The following ADAR variants were observed in gnomAD, a reference collection of about 807,000 sequenced individuals.
The protein encoded by ADAR is double-stranded RNA-specific adenosine deaminase.
Under a neutral mutation model 113.2 loss-of-function variants are expected in ADAR, and 41 were observed. The observed-to-expected ratio is 0.36, with a 90% confidence interval of 0.28 to 0.47. The LOEUF is 0.47. ADAR is among the 20% of genes least tolerant of loss of function. The probability of loss-of-function intolerance (pLI) is 1.00; values close to 1 mark genes in which losing one functional copy is unlikely to be tolerated. For synonymous variants in ADAR, 605 were observed against 572.6 expected, an observed-to-expected ratio of 1.06 and a Z score of -0.81; for missense variants, 1,242 against 1,540.9, an observed-to-expected ratio of 0.81 and a Z score of 3.25.
intron 6 of ADAR, 39 bp downstream of exon 6, chr1:154,596,766 A>G: frequency 1.2e-6 from 2 of 1,610,102 alleles, no homozygotes; most frequent in South Asian, 1.1e-5. Flanking sequence ...ACCATCCCCA[A>G]CTGGTGACAC....
At position 154,601,833 on chromosome 1, in the gene ADAR, G is replaced by A. The variant is rs768455989; in HGVS notation, c.809C>T (p.Pro270Leu). 5.6e-6 allele frequency: 9 copies of A among 1,614,254 alleles called. No homozygotes were observed. Among genetic ancestry groups the A allele is most frequent in the Non-Finnish European group, 6.8e-6 (8 of 1,180,046 alleles). Residue 270 changes from proline to leucine, a missense_variant, in exon 2 of 15, where the codon CCA becomes CTA. By Grantham distance (98) the Pro-to-Leu change is moderately conservative. Around this residue, in one of 2 missense-constraint regions of ADAR, gnomAD observed 462 missense variants for 483.1 expected, o/e 0.96. Coordinates refer to ENST00000368474, the MANE Select transcript of ADAR (RefSeq NM_001111.5). The surrounding 1 kb of genome is among the most constrained non-coding windows in gnomAD (Gnocchi z 4.7). ...VRPDSHSQGSPNSDPGLEPED... is the reference protein window; with the variant it reads ...VRPDSHSQGSLNSDPGLEPED... ...AGGTTCCAAACCTGGGTCTGAGTTT[G>A]GGGATCCTTGGCTATGACTGTCTGG...
intron 12 of ADAR, 77 bp from the exon 13 acceptor site, chr1:154,585,942 T>G (rs1340904091): frequency 1.5e-6 from 2 of 1,371,834 alleles, no homozygotes; most frequent in Non-Finnish European, 2.1e-6. Context: ...TGTGGGGATT[T>G]TGGAGGTACA....
At chr1:154,594,006 C>T (rs549391123) in intron 6 of ADAR, among the ~76,000 whole-genome samples, 4 of 152,048 alleles carry the variant, frequency 2.6e-5, no homozygotes, top group Non-Finnish European at 4.4e-5. Context: ...GCTCAGCCTC[C>T]GGAGTAGCTG....
At chr1:154,588,855 T>C (rs1401980486) in intron 9 of ADAR, among the ~76,000 whole-genome samples, 182 bp from the exon 10 acceptor site, 2 of 152,222 alleles carry the variant, frequency 1.3e-5, no homozygotes, top group African/African-American at 4.8e-5. Context: ...GTTAGCCTTT[T>C]GGGTCTCCTT....
Position 154,598,585 on chromosome 1 carries a change from T to C in ADAR, c.1602A>G (p.Arg534=). The change falls in exon 3 of 15, where the codon CGA becomes CGG. Residue 534 remains arginine (R), a splice_region_variant and synonymous_variant. Transcript: ENST00000368474. ...IEQSGPPHEP[R]FKFQVVINGR... Reference sequence around the variant, plus strand: ...CATTGATGACAACCTGGAATTTAAATCTTGACGGAAAGTGATTAGATGTGT... The same window carrying C: ...CATTGATGACAACCTGGAATTTAAACCTTGACGGAAAGTGATTAGATGTGT... 6.2e-7 allele frequency: 1 copy of C among 1,614,162 alleles called. No homozygotes were observed. The highest frequency in any genetic ancestry group is 1.1e-5 in the South Asian group (1 of 91,080).
chr1:154,613,114 A>G (rs751275082), upstream of ADAR, among the ~76,000 whole-genome samples: 5 of 151,820 alleles, frequency 3.3e-5, no homozygotes, highest in Non-Finnish European at 5.9e-5. Flanking sequence ...CTAGTCCCTC[A>G]ACATTAATTT....
rs781379281 is a variant in ADAR, at chr1:154,584,800, A to G, written c.*6T>C. The stretch of plus-strand genomic sequence containing the variant: ...CACACCCTAATCCATCTGTCACTGG[A>G]GCATACTATACTGGGCAGAGATAAA... On this transcript the variant is annotated 3_prime_UTR_variant, in exon 15 of 15. Coordinates refer to ENST00000368474, the MANE Select transcript of ADAR (RefSeq NM_001111.5). The G allele has an allele frequency of 1.2e-6, 2 of 1,607,948 alleles. No individual in the cohort carries two copies. Among genetic ancestry groups the G allele is most frequent in the Non-Finnish European group, 8.5e-7 (1 of 1,174,824 alleles).
chr1:154,624,405 A>G (rs57517342), intron 1 of ADAR, among the ~76,000 whole-genome samples: 3,135 of 152,248 alleles, frequency 0.021, 115 homozygotes, highest in African/African-American at 0.073. Flanking sequence ...AGGGTATAGA[A>G]GCAGCAACTA....
At chr1:154,590,138 A>AGGGGGGGGGGGGGGGGGGGGGGGGG in intron 7 of ADAR, 46 bp downstream of exon 7, 10 of 1,173,762 alleles carry the variant, frequency 8.5e-6, no homozygotes, top group East Asian at 2.5e-5. Flanking sequence ...AGGAGTTAGG[A>AGGGGGGGGGGGGGGGGGGGGGGGGG]GGACCCCCCC....
intron 2 of ADAR, among the ~76,000 whole-genome samples, chr1:154,599,290 T>C (rs549600114): frequency 6.6e-6 from 1 of 152,350 alleles, no homozygotes; most frequent in South Asian, 2.1e-4. Context: ...GGGATTTCAT[T>C]TAGAAAAGTA....
chr1:154,592,396 G>A (rs1697208788), intron 6 of ADAR, among the ~76,000 whole-genome samples: 1 of 152,110 alleles, frequency 6.6e-6, no homozygotes, highest in East Asian at 1.9e-4. Flanking sequence ...ATTGGTTAAT[G>A]TTTGGTTCCT....
At chr1:154,618,321 C>T (rs1698690277) in intron 1 of ADAR, among the ~76,000 whole-genome samples, 1 of 151,992 alleles carries the variant, frequency 6.6e-6, no homozygotes, top group South Asian at 2.1e-4. Context: ...ATACCAGTCT[C>T]AAATGTGATG....
At chr1:154,589,337 G>C (rs1423365446) in intron 9 of ADAR, 32 bp downstream of exon 9, 1 of 1,581,030 alleles carries the variant, frequency 6.3e-7, no homozygotes, top group Admixed American at 1.7e-5. Flanking sequence ...TCCACAGCCG[G>C]GCAGCCGGGC....
chr1:154,607,072 T>C (rs1361574098), intron 1 of ADAR, among the ~76,000 whole-genome samples: 2 of 152,150 alleles, frequency 1.3e-5, no homozygotes, highest in East Asian at 3.8e-4. Flanking sequence ...ACATTTCTAT[T>C]TCCCTAAAAA....
At chr1:154,626,309 T>G (rs534243079) in intron 1 of ADAR, among the ~76,000 whole-genome samples, 1 of 152,022 alleles carries the variant, frequency 6.6e-6, no homozygotes, top group South Asian at 2.1e-4. Context: ...GAGACGGGGT[T>G]TCACCATGTT....
intron 6 of ADAR, among the ~76,000 whole-genome samples, chr1:154,594,617 A>G (rs547269091): frequency 9.8e-5 from 15 of 152,348 alleles, no homozygotes; most frequent in African/African-American, 3.1e-4. Flanking sequence ...GCTAGTGCTC[A>G]TAAGTTTCAC....
At chr1:154,619,362 G>A (rs754102043) in intron 1 of ADAR, among the ~76,000 whole-genome samples, 31 of 152,154 alleles carry the variant, frequency 2.0e-4, no homozygotes, top group Non-Finnish European at 3.1e-4. Flanking sequence ...AGGGCTCCTC[G>A]CTGGGAATAA....
chr1:154,627,919 C>A (rs1297318149), exon 1 of ADAR: 2 of 502,842 alleles, frequency 4.0e-6, no homozygotes, highest in Non-Finnish European at 7.9e-6. Flanking sequence ...CCGCGACCCT[C>A]CCCCCACCCT....
intron 1 of ADAR, among the ~76,000 whole-genome samples, 196 bp downstream of exon 1, chr1:154,607,796 C>T (rs1698297132): frequency 6.6e-6 from 1 of 151,652 alleles, no homozygotes; most frequent in East Asian, 1.9e-4. Flanking sequence ...TGCTGCTTGG[C>T]AAGACGACAC....
Sources: gnomAD v4.1 joint callset for allele counts (sites outside exome capture counted in the v4.1 genomes callset) on GRCh38, gnomAD v4.1.1 for gene constraint, gnomAD v4.1.1 regional missense constraint, Gnocchi (gnomAD v3.1) non-coding constraint, MANE v1.5 for transcripts, NCBI Gene and HGNC (gene_info 2026-07-23, HGNC 2026-07-21) for gene names.